DLGAP2: variants seen among roughly 807,000 people sequenced by gnomAD.
The protein encoded by DLGAP2 is DLG associated protein 2, also known as disks large-associated protein 2.
In DLGAP2, 26 loss-of-function variants were observed where a neutral mutation model predicts 100.3. The observed-to-expected ratio is 0.26, with a 90% CI of 0.19 to 0.36. The LOEUF (loss-of-function observed/expected upper bound fraction) is 0.36. Ranked by LOEUF, DLGAP2 falls within the 10% of genes least tolerant of loss-of-function variation. DLGAP2 has a pLI of 1.00. For synonymous variants in DLGAP2, 886 were observed against 630.1 expected (o/e 1.41, Z -6.08); for missense variants, 1,858 against 1,453.2 (o/e 1.28, Z -4.53).
chr8:1,360,514 G>T (rs1019489172), intron 3 of DLGAP2, among the ~76,000 whole-genome samples: 2 of 152,162 alleles, frequency 1.3e-5, no homozygotes, highest in Non-Finnish European at 2.9e-5. Flanking sequence ...AGGGTTGGTT[G>T]TTTGCCCTCG....
intron 4 of DLGAP2, among the ~76,000 whole-genome samples, chr8:1,531,564 A>T (rs1226161164): frequency 1.3e-5 from 2 of 152,196 alleles, no homozygotes; most frequent in Admixed American, 1.3e-4. Context: ...AATATTAAGT[A>T]TGTTATTGCA....
intron 2 of DLGAP2, among the ~76,000 whole-genome samples, chr8:1,029,496 G>A (rs1022885374): frequency 6.6e-6 from 1 of 152,028 alleles, no homozygotes; most frequent in African/African-American, 2.4e-5. Context: ...TGGGGGGATG[G>A]CCAAGGGCGT....
intron 1 of DLGAP2, among the ~76,000 whole-genome samples, chr8:876,689 G>A (rs1797691763): frequency 6.6e-6 from 1 of 152,130 alleles, no homozygotes; most frequent in African/African-American, 2.4e-5. Flanking sequence ...CAGTATGTTT[G>A]GGAGGTTTTC....
intron 6 of DLGAP2, among the ~76,000 whole-genome samples, chr8:1,586,896 C>G (rs1384063328): frequency 6.6e-6 from 1 of 152,222 alleles, no homozygotes; most frequent in African/African-American, 2.4e-5. Context: ...GTGGCTCCCT[C>G]TGAAGCTTTT....
intron 3 of DLGAP2, among the ~76,000 whole-genome samples, chr8:1,260,498 G>C (rs1370707401): frequency 6.6e-6 from 1 of 152,234 alleles, no homozygotes; most frequent in Non-Finnish European, 1.5e-5. Context: ...CATAAAAGAA[G>C]AGTTTTTTCC....
chr8:1,266,420 G>T (rs1201464226), intron 3 of DLGAP2, among the ~76,000 whole-genome samples: 5 of 152,130 alleles, frequency 3.3e-5, no homozygotes, highest in Non-Finnish European at 7.3e-5. Context: ...TCCCTTCCCG[G>T]GGTCCTCAGA....
At chr8:963,379 C>A (rs980810540) in intron 2 of DLGAP2, among the ~76,000 whole-genome samples, 5 of 152,162 alleles carry the variant, frequency 3.3e-5, no homozygotes, top group African/African-American at 9.7e-5. Context: ...GCTCCCTGGG[C>A]AGATTACACA....
intron 2 of DLGAP2, among the ~76,000 whole-genome samples, chr8:1,203,902 T>C (rs2116766706): frequency 6.9e-6 from 1 of 145,662 alleles, no homozygotes; most frequent in African/African-American, 2.7e-5. Flanking sequence ...GTATCAGGAC[T>C]CAGCCTGACC....
chr8:948,033 C>T (rs1367548876), intron 2 of DLGAP2, among the ~76,000 whole-genome samples: 1 of 133,014 alleles, frequency 7.5e-6, no homozygotes, highest in Non-Finnish European at 1.7e-5. Context: ...CGTGCCAGCC[C>T]GCGTGCGTCA....
chr8:1,132,525 A>G (rs1288836141), intron 2 of DLGAP2, among the ~76,000 whole-genome samples: 2 of 152,244 alleles, frequency 1.3e-5, no homozygotes, highest in Non-Finnish European at 2.9e-5. Context: ...TTTCTTGGCA[A>G]CATTTACTTA....
intron 5 of DLGAP2, among the ~76,000 whole-genome samples, chr8:1,557,719 G>A (rs1308708167): frequency 1.3e-5 from 2 of 152,208 alleles, no homozygotes; most frequent in East Asian, 3.9e-4. Flanking sequence ...AGCCTCTCCT[G>A]GGCACGCAGA....
At chr8:1,507,226 G>A (rs1799953577) in intron 4 of DLGAP2, among the ~76,000 whole-genome samples, 1 of 152,230 alleles carries the variant, frequency 6.6e-6, no homozygotes, top group Non-Finnish European at 1.5e-5. Context: ...CATCAGGGAG[G>A]CTTGGGCCGC....
chr8:1,212,840 T>C (rs2116791330), intron 2 of DLGAP2, among the ~76,000 whole-genome samples: 1 of 143,112 alleles, frequency 7.0e-6, no homozygotes, highest in Non-Finnish European at 1.5e-5. Context: ...AAGAATGACA[T>C]GTATATGTAC....
intron 2 of DLGAP2, among the ~76,000 whole-genome samples, chr8:1,026,126 G>A (rs747472873): frequency 3.3e-5 from 5 of 152,164 alleles, no homozygotes; most frequent in Admixed American, 6.5e-5. Context: ...TGGCGTCCTC[G>A]AACATGCTGC....
chr8:1,632,592 C>T (rs908119002), intron 7 of DLGAP2, among the ~76,000 whole-genome samples: 2 of 152,156 alleles, frequency 1.3e-5, no homozygotes, highest in Non-Finnish European at 2.9e-5. Flanking sequence ...GCCTTGCGGT[C>T]CCCCAGAATT....
At chr8:794,414 C>A (rs1352055471) in intron 1 of DLGAP2, among the ~76,000 whole-genome samples, 1 of 152,142 alleles carries the variant, frequency 6.6e-6, no homozygotes, top group Non-Finnish European at 1.5e-5. Flanking sequence ...GATTTACCTG[C>A]ATATTTATTA....
chr8:1,606,837 C>G (rs947962351), intron 6 of DLGAP2, among the ~76,000 whole-genome samples: 17 of 152,156 alleles, frequency 1.1e-4, no homozygotes, highest in African/African-American at 3.9e-4. Context: ...ATGTACACCA[C>G]CACACCCAGC....
chr8:1,567,398 C>T (rs1167009199), intron 6 of DLGAP2, among the ~76,000 whole-genome samples: 2 of 152,242 alleles, frequency 1.3e-5, no homozygotes, highest in Non-Finnish European at 2.9e-5. Context: ...CCCAGGTAAA[C>T]AGCCATTGGT....
In DLGAP2 at chr8:1,678,338, C is replaced by A. The variant is rs1247385049; in HGVS notation, c.2413C>A (p.Arg805=). Residue 805 remains arginine, a synonymous_variant, in exon 12 of 15, where the codon CGG becomes AGG. Transcript: ENST00000637795. Reference sequence around the variant, plus strand: ...CCTTCAGTTCGGCTCATCCTTCCAGCGGCACTCCGAGCCCAGCACCCCCAC... The same window carrying A: ...CCTTCAGTTCGGCTCATCCTTCCAGAGGCACTCCGAGCCCAGCACCCCCAC... ...KGLQFGSSFQ[R]HSEPSTPTQY... 3 of 1,614,016 alleles carry A rather than the reference C, an allele frequency of 1.9e-6. No homozygotes were observed. The highest frequency in any genetic ancestry group is 1.3e-5 in the African/African-American group (1 of 75,060).
Sources: gnomAD v4.1 joint callset for allele counts (sites outside exome capture counted in the v4.1 genomes callset) on GRCh38, gnomAD v4.1.1 for gene constraint, MANE v1.5 for transcripts, NCBI Gene and HGNC (gene_info 2026-07-23, HGNC 2026-07-21) for gene names.